SLC16A6: variants seen among roughly 807,000 people sequenced by gnomAD.
The protein encoded by SLC16A6 is solute carrier family 16 member 6.
In SLC16A6, 15 loss-of-function variants were observed where a neutral mutation model predicts 33.8. The observed-to-expected ratio is 0.44, with a 90% CI of 0.30 to 0.68. SLC16A6 has a LOEUF of 0.68. SLC16A6 is among the 30% of genes least tolerant of loss of function. The pLI is 0.10. For synonymous variants in SLC16A6, 219 were observed against 248.4 expected (o/e 0.88, Z 1.11); for missense variants, 451 against 661.5 (o/e 0.68, Z 3.49).
rs1367126986 is a variant in SLC16A6, at chr17:68,268,741, G to C, written c.*355C>G. On this transcript the variant is annotated 3_prime_UTR_variant, in exon 6 of 6. Transcript: ENST00000580666. ...AAAAAGAAAATCATTTATCCCACGT[G>C]AAAGCTTTTAAAACCACTTTGCCAG... 4.6e-6 allele frequency: 1 copy of C among 216,798 alleles called. No homozygotes were observed. The highest frequency in any genetic ancestry group is 9.3e-6 in the Non-Finnish European group (1 of 107,100). 13.4% of individuals were successfully genotyped at this position (216,798 alleles called of 1,614,324 possible).
chr17:68,277,051 C>T (rs1476919638), intron 2 of SLC16A6, among the ~76,000 whole-genome samples: 1 of 152,196 alleles, frequency 6.6e-6, no homozygotes, highest in Non-Finnish European at 1.5e-5. Context: ...TCTCCTTGTA[C>T]ACATCTCATT....
rs1225824505 is a variant in SLC16A6 at position 68,274,218 on chromosome 17, C to T, written c.233-148G>A. 3 of 772,034 alleles carry T rather than the reference C, an allele frequency of 3.9e-6. No homozygotes were observed. The African/African-American group carries it at 5.2e-5, about 13-fold the overall frequency. 47.8% of individuals were successfully genotyped at this position (772,034 alleles called of 1,614,324 possible). ...CAGTGGCTCATGCCTGTAATCCCAG[C>T]ACTTTGGGAGGTTGAGGACGGAGGA... is the stretch of plus-strand genomic sequence containing the variant. On this transcript the variant is annotated intron_variant, in intron 2 of 5. Transcript: ENST00000580666.
chr17:68,274,090 C>T lies in SLC16A6; in HGVS notation c.233-20G>A, dbSNP rs546744797. 6.3e-5 allele frequency: 101 copies of T among 1,607,706 alleles called. No individual in the cohort carries two copies. Among genetic ancestry groups the T allele is most frequent in the South Asian group, 5.1e-4 (46 of 90,914 alleles). On this transcript the variant is annotated intron_variant, in intron 2 of 5. Transcript: ENST00000580666. ...GGGGAGCTGCCGGGAAAGAACAAAA[C>T]GATATTTTAACTCACAGAGGCTTCA... is the stretch of plus-strand genomic sequence containing the variant.
At chr17:68,277,349 C>T (rs1183453130) in intron 2 of SLC16A6, among the ~76,000 whole-genome samples, 1 of 152,084 alleles carries the variant, frequency 6.6e-6, no homozygotes, top group Non-Finnish European at 1.5e-5. Flanking sequence ...TCAGGCTGGT[C>T]TCGAATTCCT....
At chr17:68,279,701 T>C (rs534976695) in intron 1 of SLC16A6, among the ~76,000 whole-genome samples, 222 of 152,320 alleles carry the variant, frequency 1.5e-3, no homozygotes, top group African/African-American at 5.1e-3. Flanking sequence ...GACATTGACA[T>C]TGGTTTAACT....
At chr17:68,290,396 T>C (rs1468206489) in intron 1 of SLC16A6, among the ~76,000 whole-genome samples, 5 of 152,218 alleles carry the variant, frequency 3.3e-5, no homozygotes, top group African/African-American at 1.2e-4. Context: ...CATCTTCCCT[T>C]GCTACGGAAC....
chr17:68,287,427 T>C (rs180973638), intron 1 of SLC16A6, among the ~76,000 whole-genome samples: 127 of 152,218 alleles, frequency 8.3e-4, no homozygotes, highest in Admixed American at 3.2e-3. Context: ...CCCAAAGTGA[T>C]AGTATTAAAC....
intron 2 of SLC16A6, among the ~76,000 whole-genome samples, chr17:68,275,997 TTA>T (rs1207665528): frequency 6.7e-6 from 1 of 149,650 alleles, no homozygotes; most frequent in Non-Finnish European, 1.5e-5. Context: ...AAAAAAAAAA[TTA>T]AGTTATCTTG....
chr17:68,274,699 T>A (rs1337223550), intron 2 of SLC16A6: 1 of 152,204 alleles, frequency 6.6e-6, no homozygotes, highest in Non-Finnish European at 1.5e-5. Context: ...TTTCCTATGA[T>A]TGCTTGAATT....
chr17:68,275,764 G>A lies in SLC16A6; in HGVS notation c.233-1694C>T, dbSNP rs568927818. Among the ~76,000 whole-genome samples the A allele has an allele frequency of 3.9e-5, 6 of 152,104 alleles. No homozygotes were observed. The South Asian group carries it at 8.3e-4, about 21-fold the overall frequency. On this transcript the variant is annotated intron_variant, in intron 2 of 5. Transcript: ENST00000580666. ...TGGGAGGCCGAAGCAGGTGGATCAC[G>A]AGTTCAGGAGTTAGAGACTAGCCTG...
intron 5 of SLC16A6, among the ~76,000 whole-genome samples, chr17:68,270,139 TTC>T (rs2075289067): frequency 6.6e-6 from 1 of 152,188 alleles, no homozygotes; most frequent in South Asian, 2.1e-4. Flanking sequence ...CCAAATACCT[TTC>T]CTAAGAAAGG....
chr17:68,278,617 CTT>C (rs56870988), intron 1 of SLC16A6, among the ~76,000 whole-genome samples: 16,239 of 111,730 alleles, frequency 0.15, 841 homozygotes, highest in East Asian at 0.23. Flanking sequence ...TTTCTTTTTC[CTT>C]TTTTTTTTTT....
intron 1 of SLC16A6, among the ~76,000 whole-genome samples, chr17:68,289,991 G>A (rs1187006811): frequency 6.6e-6 from 1 of 152,196 alleles, no homozygotes; most frequent in Non-Finnish European, 1.5e-5. Flanking sequence ...CCACATAACG[G>A]TGCTTGGGAC....
intron 1 of SLC16A6, among the ~76,000 whole-genome samples, chr17:68,285,271 G>A (rs2075814601): frequency 6.6e-6 from 1 of 152,096 alleles, no homozygotes. Context: ...TTTAATGGAG[G>A]GCTCAGGACC....
rs185038616 is a variant in SLC16A6 at position 68,281,364 on chromosome 17, C to T, written c.-7-3037G>A. Among the ~76,000 whole-genome samples, 3 of 152,006 alleles carry T rather than the reference C, an allele frequency of 2.0e-5. No homozygotes were observed. In the East Asian group the frequency reaches 5.8e-4, roughly 30 times the overall value. ...CAGGTGGATCATGAGGTCAAGAGAT[C>T]GAGACCATCCTGGCCAACATAGTGA... On this transcript the variant is annotated intron_variant, in intron 1 of 5. Transcript: ENST00000580666.
chr17:68,272,161 C>CA (rs1462165003), intron 4 of SLC16A6, among the ~76,000 whole-genome samples: 1 of 152,152 alleles, frequency 6.6e-6, no homozygotes, highest in African/African-American at 2.4e-5. Context: ...TGGTCTCGAT[C>CA]ACCTGACCTC....
chr17:68,275,186 C>T (rs2075473736), intron 2 of SLC16A6, among the ~76,000 whole-genome samples: 1 of 152,198 alleles, frequency 6.6e-6, no homozygotes, highest in Non-Finnish European at 1.5e-5. Context: ...ATTTGCTTAG[C>T]TTCTATAAGC....
At chr17:68,280,835 A>G (rs1555752472) in intron 1 of SLC16A6, among the ~76,000 whole-genome samples, 1 of 152,180 alleles carries the variant, frequency 6.6e-6, no homozygotes, top group East Asian at 1.9e-4. Context: ...AAACATATCA[A>G]CAGAGTGAGG....
chr17:68,282,779 T>TAAA (rs36155626), intron 1 of SLC16A6, among the ~76,000 whole-genome samples: 39 of 53,352 alleles, frequency 7.3e-4, no homozygotes, highest in South Asian at 1.4e-3. Flanking sequence ...CCATCTCTAC[T>TAAA]AAAAAAAAAA....
Sources: allele counts gnomAD v4.1 joint callset (sites outside exome capture counted in the v4.1 genomes callset), GRCh38; gene constraint gnomAD v4.1.1; transcripts MANE v1.5; gene names NCBI Gene and HGNC (gene_info 2026-07-23, HGNC 2026-07-21).